Variants in KANSL3 observed in about 807,000 individuals in gnomAD.
KANSL3 encodes NSL complex protein NSL3.
A neutral mutation model predicts 89.2 loss-of-function variants in KANSL3; 16 were observed. The observed-to-expected ratio is 0.18, with a 90% confidence interval of 0.12 to 0.27. The LOEUF is 0.27. Among genes scored for constraint, KANSL3 ranks in the 10% least tolerant of loss-of-function variants. The pLI is 1.00. For synonymous variants in KANSL3, 385 were observed against 419.7 expected (o/e 0.92, Z 1.01); for missense variants, 879 against 1,110.6 (o/e 0.79, Z 2.96).
intron 2 of KANSL3, among the ~76,000 whole-genome samples, chr2:96,635,993 CA>C (rs112029647): frequency 0.26 from 34,424 of 131,448 alleles, 5,273 homozygotes; most frequent in South Asian, 0.67. Flanking sequence ...GACTCCATCT[CA>C]AAAAAAAAAA....
chr2:96,637,231 T>A, intron 1 of KANSL3, 46 bp from the exon 2 acceptor site: 1 of 708,182 alleles, frequency 1.4e-6, no homozygotes, highest in Non-Finnish European at 2.3e-6. Context: ...TATCCTAAAT[T>A]TCTCCCAATC....
chr2:96,612,441 C>G, intron 8 of KANSL3, 21 bp downstream of exon 8: 1 of 1,609,298 alleles, frequency 6.2e-7, no homozygotes, highest in East Asian at 2.2e-5. Context: ...CCACAATGTA[C>G]TGAAATACGG....
At chr2:96,617,137 C>T (rs2070304737) in intron 5 of KANSL3, among the ~76,000 whole-genome samples, 2 of 152,162 alleles carry the variant, frequency 1.3e-5, no homozygotes, top group South Asian at 4.1e-4. Context: ...CACACTCTAC[C>T]TGCCCACCAC....
chr2:96,634,495 AAC>A (rs1267657239), intron 2 of KANSL3, among the ~76,000 whole-genome samples: 8 of 152,170 alleles, frequency 5.3e-5, no homozygotes, highest in Admixed American at 3.3e-4. Context: ...CAGCCTGGGC[AAC>A]AGAGACTCCG....
At chr2:96,602,646 T>G in intron 18 of KANSL3, 107 bp downstream of exon 18, 1 of 859,596 alleles carries the variant, frequency 1.2e-6, no homozygotes, top group Admixed American at 2.7e-5. Flanking sequence ...AGAAGGCTGT[T>G]TGTCCTTGAT....
chr2:96,618,480 A>G (rs1475314355), intron 5 of KANSL3, among the ~76,000 whole-genome samples: 2 of 152,218 alleles, frequency 1.3e-5, no homozygotes, highest in African/African-American at 2.4e-5. Context: ...ATGAGCTACT[A>G]TGCCCGGCCG....
downstream of KANSL3, among the ~76,000 whole-genome samples, chr2:96,590,821 T>C (rs2066265597): frequency 6.6e-6 from 1 of 151,864 alleles, no homozygotes; most frequent in Non-Finnish European, 1.5e-5. Flanking sequence ...CTGTCTCTAC[T>C]AAAAATACAA....
chr2:96,620,939 C>T (rs568582478), intron 3 of KANSL3, among the ~76,000 whole-genome samples: 1 of 152,064 alleles, frequency 6.6e-6, no homozygotes, highest in South Asian at 2.1e-4. Context: ...GAGGTTGAGG[C>T]TGCAGTGAGC....
At chr2:96,591,847 G>T (rs2066280637), downstream of KANSL3, among the ~76,000 whole-genome samples, 1 of 140,334 alleles carries the variant, frequency 7.1e-6, no homozygotes, top group African/African-American at 3.1e-5. Flanking sequence ...GCCACTTGAG[G>T]TCACGAGGCA....
rs2066368783 is a variant in KANSL3 at position 96,593,887 on chromosome 2, C to T, written c.*1724G>A. 6.6e-6 allele frequency: 1 copy of T among 152,454 alleles called. No homozygotes were observed. The highest frequency in any genetic ancestry group is 1.5e-5 in the Non-Finnish European group (1 of 68,208). 9.4% of individuals were successfully genotyped at this position (152,454 alleles called of 1,614,324 possible). A position where few individuals can be genotyped will look rare whatever the true frequency, so the allele number is the denominator to read the frequency against. On this transcript the variant is annotated 3_prime_UTR_variant, in exon 21 of 21. Coordinates refer to ENST00000431828, the MANE Select transcript of KANSL3 (RefSeq NM_001115016.3). ...CCTCCTCCAGATTTCATACCTTCCT[C>T]AAGTTTACTAAATACTTTCTGAATT...
chr2:96,603,647 G>GT (rs1433875227), intron 17 of KANSL3: 11 of 152,486 alleles, frequency 7.2e-5, no homozygotes, highest in African/African-American at 2.7e-4. Flanking sequence ...TCAAAGTAGG[G>GT]TTAGTGGGTA....
chr2:96,591,853 AG>A (rs1334370725), downstream of KANSL3, among the ~76,000 whole-genome samples: 1 of 152,200 alleles, frequency 6.6e-6, no homozygotes, highest in Non-Finnish European at 1.5e-5. Context: ...TGAGGTCACG[AG>A]GCAAGTACCA....
Position 96,609,593 on chromosome 2 carries a change from TC to T in KANSL3, c.1320-32del, listed in dbSNP as rs1335196577. The T allele has an allele frequency of 2.6e-6, 4 of 1,538,468 alleles. No homozygotes were observed. In the South Asian group the frequency reaches 4.5e-5, roughly 17 times the overall value. Reference sequence around the variant, plus strand: ...AAACAAAAAGGATGACATGTTTACTTCTTACACATTGCACGGCATCCTATGA... The same window carrying T: ...AAACAAAAAGGATGACATGTTTACTTTTACACATTGCACGGCATCCTATGA... On this transcript the variant is annotated intron_variant, in intron 11 of 20. Coordinates refer to ENST00000431828, the MANE Select transcript of KANSL3 (RefSeq NM_001115016.3).
chr2:96,613,652 T>C (rs370572023), intron 5 of KANSL3, 33 bp from the exon 6 acceptor site: 211 of 1,603,082 alleles, frequency 1.3e-4, no homozygotes, highest in Non-Finnish European at 1.7e-4. Context: ...ATGACTCCAG[T>C]GTAAAGCAGG....
intron 5 of KANSL3, among the ~76,000 whole-genome samples, chr2:96,616,940 G>A (rs958161901): frequency 2.0e-4 from 30 of 152,208 alleles, no homozygotes; most frequent in Admixed American, 3.9e-4. Flanking sequence ...AATTATGCTA[G>A]CCACAGTGAG....
downstream of KANSL3, among the ~76,000 whole-genome samples, chr2:96,589,589 C>T (rs192673259): frequency 1.6e-4 from 24 of 152,112 alleles, no homozygotes; most frequent in Non-Finnish European, 2.9e-5. Context: ...ATAGACAATT[C>T]CACAATTATA....
At position 96,619,757 on chromosome 2, in the gene KANSL3, C is replaced by G. The variant is rs546460351; in HGVS notation, c.392G>C (p.Gly131Ala). The change falls in exon 4 of 21, where the codon GGC becomes GCC. Residue 131 changes from glycine to alanine, a missense_variant. By Grantham distance (60) the Gly-to-Ala change is moderately conservative. Transcript: ENST00000431828. ...EDWEEHVNRT[G>A]WTMAQNKLFN... ...TAGCTTGTTCTGGGCCATTGTCCAGCCAGTCCTATAAGGGAAACTCTGAGG... is the reference window on the plus strand; with the variant it reads ...TAGCTTGTTCTGGGCCATTGTCCAGGCAGTCCTATAAGGGAAACTCTGAGG... The G allele has an allele frequency of 6.4e-7, 1 of 1,555,178 alleles. No homozygotes were observed. The highest frequency in any genetic ancestry group is 2.4e-5 in the East Asian group (1 of 41,292).
intron 1 of KANSL3, 154 bp from the exon 2 acceptor site, chr2:96,637,339 A>C: frequency 8.4e-6 from 4 of 478,714 alleles, no homozygotes; most frequent in South Asian, 7.5e-5. Flanking sequence ...GTGGAATCCC[A>C]CACCAACACC....
chr2:96,604,981 G>T, intron 15 of KANSL3, 118 bp from the exon 16 acceptor site: 1 of 801,510 alleles, frequency 1.2e-6, no homozygotes, highest in South Asian at 1.8e-5. Context: ...AATGAAAAAA[G>T]ATGAACTATG....
Sources: allele counts gnomAD v4.1 joint callset (sites outside exome capture counted in the v4.1 genomes callset), GRCh38; gene constraint gnomAD v4.1.1; transcripts MANE v1.5; gene names NCBI Gene and HGNC (gene_info 2026-07-23, HGNC 2026-07-21).